The following PCDHGB1 variants were observed in gnomAD, a reference collection of about 807,000 sequenced individuals.
PCDHGB1 encodes the protein protocadherin gamma subfamily B, 1.
A neutral mutation model predicts 56.6 loss-of-function variants in PCDHGB1; 34 were observed. The ratio of observed to expected loss-of-function variants is 0.60; its 90% CI spans 0.46 to 0.80. PCDHGB1 has a LOEUF of 0.80. Among genes scored for constraint, PCDHGB1 ranks in the 30% least tolerant of loss-of-function variants. The pLI, the probability that PCDHGB1 is intolerant of heterozygous loss-of-function variation, is 0.00. For missense variants in PCDHGB1, 1,278 were observed against 1,204.6 expected (o/e 1.06, Z -0.90); for synonymous variants, 561 against 505.9 (o/e 1.11, Z -1.46).
rs138408376 is a variant in PCDHGB1 at position 141,421,859 on chromosome 5, T to C, written c.2409+69190T>C. The stretch of plus-strand genomic sequence containing the variant: ...CGAGAGAAAGAGGCTGCTCACCTGC[T>C]CCTCCTCACAGCTTTAGATGGAGGC... On this transcript the variant is annotated intron_variant, in intron 1 of 3. Coordinates refer to ENST00000523390, the MANE Select transcript of PCDHGB1 (RefSeq NM_018922.3). The C allele has an allele frequency of 1.7e-3, 2,741 of 1,613,710 alleles. 8 individuals carry two copies. Among genetic ancestry groups the C allele is most frequent in the Middle Eastern group, 8.1e-3 (49 of 6,062 alleles).
At chr5:141,424,092 C>G (rs1160250641) in intron 1 of PCDHGB1, 2 of 879,256 alleles carry the variant, frequency 2.3e-6, no homozygotes, top group Non-Finnish European at 2.8e-6. Context: ...CCATTATTTG[C>G]TATTACTGCT....
chr5:141,424,799 A>G (rs552155487), intron 1 of PCDHGB1: 90 of 152,274 alleles, frequency 5.9e-4, no homozygotes, highest in African/African-American at 2.1e-3. Context: ...ATTCAGACCA[A>G]CTTGTTATTG....
chr5:141,482,611 G>C (rs1016481108), intron 1 of PCDHGB1, among the ~76,000 whole-genome samples: 4 of 150,398 alleles, frequency 2.7e-5, no homozygotes, highest in Non-Finnish European at 5.9e-5. Context: ...ACACCTAAAT[G>C]AGCCTGGAGA....
intron 2 of PCDHGB1, 37 bp downstream of exon 2, chr5:141,494,902 C>T (rs2099757367): frequency 1.9e-6 from 3 of 1,614,024 alleles, no homozygotes; most frequent in Non-Finnish European, 2.5e-6. Flanking sequence ...CTCTTCTCTG[C>T]GGCATTTTCT....
chr5:141,508,045 T>A (rs985875804), intron 3 of PCDHGB1: 1 of 152,264 alleles, frequency 6.6e-6, no homozygotes, highest in Non-Finnish European at 1.5e-5. Flanking sequence ...GCCAGCTGTG[T>A]TCCAGCTAAT....
At chr5:141,415,397 G>T (rs1168654728) in intron 1 of PCDHGB1, 1 of 1,614,124 alleles carries the variant, frequency 6.2e-7, no homozygotes, top group African/African-American at 1.3e-5. Context: ...GGTGTGTCCG[G>T]CTCGCACTTT....
intron 1 of PCDHGB1, among the ~76,000 whole-genome samples, chr5:141,359,644 G>T (rs1297156437): frequency 6.6e-6 from 1 of 152,004 alleles, no homozygotes; most frequent in Non-Finnish European, 1.5e-5. Flanking sequence ...GTGTAAAGAA[G>T]GAGACAGAAT....
chr5:141,384,754 G>A, intron 1 of PCDHGB1: 1 of 1,614,042 alleles, frequency 6.2e-7, no homozygotes, highest in Non-Finnish European at 8.5e-7. Flanking sequence ...ACTCTTTGCG[G>A]TTGGGCTGTA....
chr5:141,385,576 A>G, intron 1 of PCDHGB1: 1 of 1,288,582 alleles, frequency 7.8e-7, no homozygotes, highest in Non-Finnish European at 9.8e-7. Context: ...CTACTTTCCA[A>G]TCTATGTTCC....
intron 1 of PCDHGB1, chr5:141,413,192 A>G: frequency 1.2e-6 from 2 of 1,607,816 alleles, no homozygotes; most frequent in South Asian, 2.2e-5. Context: ...GCTCAAAGGA[A>G]TCGCTCAAAG....
Position 141,511,303 on chromosome 5 carries a change from C to T in PCDHGB1, c.*130C>T, listed in dbSNP as rs2099883709. 2.7e-6 allele frequency: 4 copies of T among 1,490,160 alleles called. No homozygotes were observed. Among genetic ancestry groups the T allele is most frequent in the Non-Finnish European group, 3.6e-6 (4 of 1,116,196 alleles). 92.3% of individuals were successfully genotyped at this position (1,490,160 alleles called of 1,614,324 possible). ...CTGGTAGGGGCCAAGGCCATGCTCC[C>T]CTTGGGAAACAGAAACAAGTGCCCA... On this transcript the variant is annotated 3_prime_UTR_variant, in exon 4 of 4. Coordinates refer to ENST00000523390, the MANE Select transcript of PCDHGB1 (RefSeq NM_018922.3).
At chr5:141,510,450 T>G (rs1273211856) in intron 3 of PCDHGB1, among the ~76,000 whole-genome samples, 1 of 151,946 alleles carries the variant, frequency 6.6e-6, no homozygotes, top group Non-Finnish European at 1.5e-5. Flanking sequence ...CAGGAGCCCA[T>G]GGTCTAGTGT....
intron 1 of PCDHGB1, chr5:141,405,082 G>C: frequency 6.2e-7 from 1 of 1,613,794 alleles, no homozygotes; most frequent in East Asian, 2.2e-5. Context: ...TCGTTATCAC[G>C]CTGCTGGCCC....
chr5:141,372,860 A>T (rs1224709282), intron 1 of PCDHGB1: 1 of 1,419,644 alleles, frequency 7.0e-7, no homozygotes, highest in African/African-American at 1.4e-5. Context: ...GTTTCAATTC[A>T]TTGATTTAGA....
rs11953770 is a variant in PCDHGB1 at position 141,510,741 on chromosome 5, C to T, written c.2558-206C>T. On this transcript the variant is annotated intron_variant, in intron 3 of 3. Coordinates refer to ENST00000523390, the MANE Select transcript of PCDHGB1 (RefSeq NM_018922.3). ...TAAGGAAAGGAGCTAGGAATCAAACCTAGACTTTCTCACTCCAGAGCCTCT... is the reference window on the plus strand; with the variant it reads ...TAAGGAAAGGAGCTAGGAATCAAACTTAGACTTTCTCACTCCAGAGCCTCT... Among the ~76,000 whole-genome samples the T allele has an allele frequency of 2.6e-5, 4 of 152,138 alleles. No homozygotes were observed. In the South Asian group the frequency reaches 8.3e-4, roughly 32 times the overall value.
intron 1 of PCDHGB1, among the ~76,000 whole-genome samples, chr5:141,369,547 A>G (rs1766330470): frequency 6.6e-6 from 1 of 152,196 alleles, no homozygotes; most frequent in Non-Finnish European, 1.5e-5. Context: ...TTAAAAGTAG[A>G]CACTTGGAAA....
intron 1 of PCDHGB1, among the ~76,000 whole-genome samples, chr5:141,473,267 C>G (rs1458810488): frequency 1.3e-5 from 2 of 152,248 alleles, no homozygotes; most frequent in African/African-American, 2.4e-5. Flanking sequence ...TTAGTGTATG[C>G]TATGATTATT....
At chr5:141,444,599 A>G (rs373366708) in intron 1 of PCDHGB1, among the ~76,000 whole-genome samples, 2 of 152,108 alleles carry the variant, frequency 1.3e-5, no homozygotes, top group African/African-American at 2.4e-5. Flanking sequence ...CCTTATTTAA[A>G]ATTGATTTTT....
chr5:141,491,529 G>C lies in PCDHGB1; in HGVS notation c.2410-3278G>C. 1 of 1,614,040 alleles carries C rather than the reference G, an allele frequency of 6.2e-7. No individual in the cohort carries two copies. The highest frequency in any genetic ancestry group is 1.1e-5 in the South Asian group (1 of 91,080). On this transcript the variant is annotated intron_variant, in intron 1 of 3. Coordinates refer to ENST00000523390, the MANE Select transcript of PCDHGB1 (RefSeq NM_018922.3). The surrounding 1 kb of genome is among the most constrained non-coding windows in gnomAD (Gnocchi z 6.9). ...GCACGCTCAAGTACATGGAGGTGACGCTGCGGCCCACAGACTCGCAGAGCC... is the reference window on the plus strand; with the variant it reads ...GCACGCTCAAGTACATGGAGGTGACCCTGCGGCCCACAGACTCGCAGAGCC...
Sources: gnomAD v4.1 joint callset for allele counts (sites outside exome capture counted in the v4.1 genomes callset) on GRCh38, gnomAD v4.1.1 for gene constraint, Gnocchi (gnomAD v3.1) non-coding constraint, MANE v1.5 for transcripts, NCBI Gene and HGNC (gene_info 2026-07-23, HGNC 2026-07-21) for gene names.